Variants in DPH6 observed in about 807,000 individuals in gnomAD.
DPH6 encodes diphthine--ammonia ligase.
In DPH6, 33 loss-of-function variants were observed where a neutral mutation model predicts 38.2. The ratio of observed to expected loss-of-function variants is 0.86; its 90% CI spans 0.65 to 1.15. The LOEUF is 1.15. Among genes scored for constraint, DPH6 ranks in the 50% most tolerant of loss-of-function variants. DPH6 has a pLI of 0.00. For missense variants in DPH6, 325 were observed against 320.0 expected (o/e 1.02, Z -0.12); for synonymous variants, 108 against 103.0 (o/e 1.05, Z -0.30).
chr15:35,219,365 G>A (rs563960205), exon 4 of DPH6: 5 of 152,192 alleles, frequency 3.3e-5, no homozygotes, highest in Admixed American at 3.3e-4. Flanking sequence ...CCTCTTTAAG[G>A]CTTTGAAATT....
intron 3 of DPH6, among the ~76,000 whole-genome samples, chr15:35,300,323 G>A (rs189736392): frequency 6.6e-6 from 1 of 152,180 alleles, no homozygotes; most frequent in African/African-American, 2.4e-5. Context: ...ATTCTTAAAA[G>A]ATCATTTTGA....
At chr15:35,429,450 C>T (rs1350924686) in intron 5 of DPH6, among the ~76,000 whole-genome samples, 1 of 152,008 alleles carries the variant, frequency 6.6e-6, no homozygotes, top group Non-Finnish European at 1.5e-5. Context: ...ATTTCAATAA[C>T]AACTGTGTCA....
chr15:35,145,975 G>A, the DPH6 span, among the ~76,000 whole-genome samples: 1 of 151,894 alleles, frequency 6.6e-6, no homozygotes, highest in East Asian at 1.9e-4. Flanking sequence ...ATATTTCATA[G>A]TTGCATACCC....
In DPH6 at chr15:35,501,911, A is replaced by G. The variant is rs111987079; in HGVS notation, c.312+36363T>C. ...AACTCATCCAATTTAAGTTTAGCAC[A>G]TACCATTCCCAAGGGAAGTTCAATT... On this transcript the variant is annotated intron_variant, in intron 3 of 8. Coordinates refer to ENST00000256538, the MANE Select transcript of DPH6 (RefSeq NM_080650.4). Among the ~76,000 whole-genome samples, 993 of 152,276 alleles carry G rather than the reference A, an allele frequency of 6.5e-3. 18 individuals are homozygous for G. The highest frequency in any genetic ancestry group is 0.023 in the African/African-American group (956 of 41,570).
chr15:35,484,171 T>C (rs760011424), intron 3 of DPH6, among the ~76,000 whole-genome samples: 2 of 152,156 alleles, frequency 1.3e-5, no homozygotes, highest in Non-Finnish European at 2.9e-5. Flanking sequence ...AGTGAATCTA[T>C]ACAAATAAAT....
At chr15:35,526,335 T>A (rs1000838558) in intron 3 of DPH6, among the ~76,000 whole-genome samples, 8 of 152,224 alleles carry the variant, frequency 5.3e-5, no homozygotes, top group Non-Finnish European at 1.0e-4. Context: ...AATAAATGTC[T>A]GATAGTTTCT....
chr15:35,305,999 G>C (rs2052087686), intron 3 of DPH6, among the ~76,000 whole-genome samples: 2 of 152,096 alleles, frequency 1.3e-5, no homozygotes, highest in African/African-American at 4.8e-5. Context: ...TTCTTCCTAT[G>C]TTCTGACCTG....
intron 6 of DPH6, chr15:35,400,662 T>A (rs948527555): frequency 1.6e-6 from 1 of 613,400 alleles, no homozygotes; most frequent in Non-Finnish European, 3.0e-6. Flanking sequence ...CGAGGAAGCA[T>A]CATTAAAGTC....
chr15:35,317,590 C>CAAAAAAAAAAAAAAAA (rs79613862), intron 3 of DPH6, among the ~76,000 whole-genome samples: 1 of 73,806 alleles, frequency 1.4e-5, no homozygotes, highest in African/African-American at 4.3e-5. Context: ...TTCTGCTGGA[C>CAAAAAAAAAAAAAAAA]AAAAAAAAAA....
chr15:35,250,467 A>G (rs943859702), intron 3 of DPH6, among the ~76,000 whole-genome samples: 2 of 152,198 alleles, frequency 1.3e-5, no homozygotes, highest in African/African-American at 4.8e-5. Context: ...TTCATGTAAC[A>G]TGGCAGTTCA....
intron 3 of DPH6, among the ~76,000 whole-genome samples, chr15:35,484,899 A>T (rs544503760): frequency 6.6e-6 from 1 of 152,330 alleles, no homozygotes; most frequent in African/African-American, 2.4e-5. Context: ...AGAAAATACT[A>T]TTCTATTTGC....
chr15:35,402,828 T>C (rs1032084803), intron 6 of DPH6, among the ~76,000 whole-genome samples: 15 of 152,006 alleles, frequency 9.9e-5, no homozygotes, highest in African/African-American at 3.6e-4. Flanking sequence ...TTAGAAAAGA[T>C]GACAATCATA....
At chr15:35,188,815 T>TA in the DPH6 span, among the ~76,000 whole-genome samples, 7 of 151,662 alleles carry the variant, frequency 4.6e-5, no homozygotes, top group Non-Finnish European at 8.8e-5. Flanking sequence ...GCCCAGGAGA[T>TA]AGAGATTGCA....
chr15:35,352,078 T>G (rs901977193), intron 3 of DPH6, among the ~76,000 whole-genome samples: 3 of 152,220 alleles, frequency 2.0e-5, no homozygotes, highest in Non-Finnish European at 4.4e-5. Context: ...ATACAGTTAT[T>G]CTGACTACTT....
At chr15:35,152,951 T>G in the DPH6 span, among the ~76,000 whole-genome samples, 1 of 152,198 alleles carries the variant, frequency 6.6e-6, no homozygotes, top group South Asian at 2.1e-4. Flanking sequence ...ACAGTGGTGT[T>G]TCTGCCACAA....
At chr15:35,431,482 C>G (rs1252536730) in intron 5 of DPH6, among the ~76,000 whole-genome samples, 1 of 152,050 alleles carries the variant, frequency 6.6e-6, no homozygotes, top group East Asian at 1.9e-4. Context: ...AGTACTCTTT[C>G]CTGAAAATCA....
At position 35,352,238 on chromosome 15, in the gene DPH6, C is replaced by A. The variant is rs137956557; in HGVS notation, n.208-21161G>T. ...TTGCTTAGCTTTTTTTTTGTTTCAACTTTAAAACTCTTGTAAAGCAGTCCT... is the reference window on the plus strand; with the variant it reads ...TTGCTTAGCTTTTTTTTTGTTTCAAATTTAAAACTCTTGTAAAGCAGTCCT... On this transcript the variant is annotated intron_variant and non_coding_transcript_variant, in intron 3 of 3. Coordinates refer to the DPH6 transcript ENST00000558973. 4.5e-3 allele frequency among the ~76,000 whole-genome samples: 683 copies of A among 151,822 alleles called. 8 individuals carry two copies. The highest frequency in any genetic ancestry group is 0.016 in the African/African-American group (662 of 41,408).
chr15:35,262,705 CAAAAAAAAAAAAAAAAAA>C (rs58580024), intron 3 of DPH6, among the ~76,000 whole-genome samples: 1 of 82,630 alleles, frequency 1.2e-5, no homozygotes, highest in Non-Finnish European at 2.2e-5. Context: ...GACTCCGTCT[CAAAAAAAAAAAAAAAAAA>C]AAAAAAAAAA....
intron 3 of DPH6, among the ~76,000 whole-genome samples, chr15:35,485,990 C>T (rs1398085688): frequency 6.6e-6 from 1 of 152,162 alleles, no homozygotes; most frequent in Non-Finnish European, 1.5e-5. Context: ...CTATAAAGAA[C>T]TACCTGAGAT....
Sources: gnomAD v4.1 joint callset for allele counts (sites outside exome capture counted in the v4.1 genomes callset) on GRCh38, gnomAD v4.1.1 for gene constraint, MANE v1.5 for transcripts, NCBI Gene and HGNC (gene_info 2026-07-23, HGNC 2026-07-21) for gene names.